FUT9: variants seen among roughly 807,000 people sequenced by gnomAD.
FUT9 encodes fucosyltransferase 9, also known as 4-galactosyl-N-acetylglucosaminide 3-alpha-L-fucosyltransferase 9.
A neutral mutation model predicts 29.7 loss-of-function variants in FUT9; 15 were observed. The ratio of observed to expected loss-of-function variants is 0.51; its 90% CI spans 0.34 to 0.78. The LOEUF (loss-of-function observed/expected upper bound fraction) is 0.78, where lower values mean the gene tolerates loss of function less well. FUT9 is among the 30% of genes least tolerant of loss of function. FUT9 has a pLI of 0.01. For synonymous variants in FUT9, 169 were observed against 153.7 expected (o/e 1.10, Z -0.74); for missense variants, 319 against 425.4 (o/e 0.75, Z 2.20).
intron 2 of FUT9, among the ~76,000 whole-genome samples, chr6:96,198,701 C>G (rs1054665284): frequency 1.3e-5 from 2 of 152,186 alleles, no homozygotes; most frequent in African/African-American, 4.8e-5. Flanking sequence ...ACACTGACTT[C>G]CACAATGGTT....
chr6:96,032,602 A>G (rs564775201), intron 1 of FUT9, among the ~76,000 whole-genome samples: 80 of 151,712 alleles, frequency 5.3e-4, no homozygotes, highest in African/African-American at 1.9e-3. Flanking sequence ...TTGAAAATAT[A>G]ACTTTGAAAA....
chr6:96,099,744 T>G (rs1771555814), intron 1 of FUT9, among the ~76,000 whole-genome samples: 1 of 152,112 alleles, frequency 6.6e-6, no homozygotes, highest in Admixed American at 6.6e-5. Context: ...ATCAATTTTT[T>G]TCCAAAGCCA....
rs570252615 is a variant in FUT9 at position 96,211,204 on chromosome 6, T to C, written c.*6969T>C. 1 of 166,812 alleles carries C rather than the reference T, an allele frequency of 6.0e-6. No homozygotes were observed. Among genetic ancestry groups the C allele is most frequent in the Non-Finnish European group, 1.5e-5 (1 of 67,980 alleles). 10.3% of individuals were successfully genotyped at this position (166,812 alleles called of 1,614,324 possible). Reference sequence around the variant, plus strand: ...CGGAAGGGGTGTGAGGAGCTGGCAGTGGTGGTGAATAGGCATTGTTTGCAT... The same window carrying C: ...CGGAAGGGGTGTGAGGAGCTGGCAGCGGTGGTGAATAGGCATTGTTTGCAT... On this transcript the variant is annotated 3_prime_UTR_variant, in exon 3 of 3. Coordinates refer to ENST00000302103, the MANE Select transcript of FUT9 (RefSeq NM_006581.4).
chr6:96,029,207 C>A (rs1770219153), intron 1 of FUT9, among the ~76,000 whole-genome samples: 1 of 151,448 alleles, frequency 6.6e-6, no homozygotes, highest in East Asian at 1.9e-4. Context: ...AATTATCTAA[C>A]AAGAAATTCT....
At chr6:96,137,434 C>T (rs1298624414) in intron 2 of FUT9, among the ~76,000 whole-genome samples, 1 of 152,046 alleles carries the variant, frequency 6.6e-6, no homozygotes, top group African/African-American at 2.4e-5. Flanking sequence ...GTGGATACTT[C>T]ACCCTCAAGT....
At chr6:96,025,425 C>A (rs1770150879) in intron 1 of FUT9, among the ~76,000 whole-genome samples, 1 of 151,754 alleles carries the variant, frequency 6.6e-6, no homozygotes, top group African/African-American at 2.4e-5. Flanking sequence ...ATATAATTTG[C>A]AAACATCTTT....
At chr6:96,064,333 G>T (rs1357373564) in intron 1 of FUT9, among the ~76,000 whole-genome samples, 2 of 152,084 alleles carry the variant, frequency 1.3e-5, no homozygotes, top group African/African-American at 4.8e-5. Flanking sequence ...ACTGAATGAG[G>T]GGCATAGAGA....
intron 2 of FUT9, among the ~76,000 whole-genome samples, chr6:96,201,145 C>T (rs559462695): frequency 6.6e-6 from 1 of 151,832 alleles, no homozygotes; most frequent in Admixed American, 6.6e-5. Flanking sequence ...ACCATTTAGA[C>T]CTAGTATTTG....
intron 1 of FUT9, 53 bp downstream of exon 1, chr6:96,016,265 G>A (rs1427736426): frequency 6.6e-6 from 1 of 152,636 alleles, no homozygotes; most frequent in African/African-American, 2.4e-5. Context: ...GGCGCGGAGA[G>A]AACATCTTTT....
At chr6:96,043,161 C>T (rs559351911) in intron 1 of FUT9, among the ~76,000 whole-genome samples, 2 of 152,264 alleles carry the variant, frequency 1.3e-5, no homozygotes, top group South Asian at 4.1e-4. Context: ...ATGCCATTCT[C>T]CTGCCTCAGC....
chr6:96,077,337 T>G (rs1176254434), intron 1 of FUT9, among the ~76,000 whole-genome samples: 1 of 152,200 alleles, frequency 6.6e-6, no homozygotes, highest in Non-Finnish European at 1.5e-5. Flanking sequence ...ATTTTTGATC[T>G]AAATTCTCTA....
At chr6:96,162,790 G>A (rs529233795) in intron 2 of FUT9, among the ~76,000 whole-genome samples, 20 of 152,208 alleles carry the variant, frequency 1.3e-4, no homozygotes, top group African/African-American at 3.9e-4. Flanking sequence ...CATTCTTTGC[G>A]TTGTAATTCA....
At chr6:96,055,826 T>C (rs918615915) in intron 1 of FUT9, among the ~76,000 whole-genome samples, 10 of 151,862 alleles carry the variant, frequency 6.6e-5, no homozygotes, top group Admixed American at 3.9e-4. Context: ...ATTAAAGGTG[T>C]GAGCCACTGA....
intron 1 of FUT9, among the ~76,000 whole-genome samples, chr6:96,018,681 G>C (rs989176366): frequency 6.6e-6 from 1 of 152,022 alleles, no homozygotes; most frequent in Non-Finnish European, 1.5e-5. Flanking sequence ...ACATTATAAA[G>C]AGATATTTAA....
At chr6:96,193,824 C>T (rs532805981) in intron 2 of FUT9, among the ~76,000 whole-genome samples, 74 of 152,240 alleles carry the variant, frequency 4.9e-4, no homozygotes, top group African/African-American at 1.7e-3. Flanking sequence ...CAATGATAGA[C>T]TGGATTAAGA....
chr6:96,025,498 G>A (rs1770152375), intron 1 of FUT9, among the ~76,000 whole-genome samples: 1 of 151,594 alleles, frequency 6.6e-6, no homozygotes, highest in Admixed American at 6.6e-5. Flanking sequence ...AACATTCTTG[G>A]ATGAGTGTGT....
At chr6:96,144,323 G>C (rs1562141284) in intron 2 of FUT9, among the ~76,000 whole-genome samples, 1 of 152,126 alleles carries the variant, frequency 6.6e-6, no homozygotes, top group Non-Finnish European at 1.5e-5. Flanking sequence ...GAAATTGCTT[G>C]ATCAGTGCTA....
chr6:96,099,835 T>G (rs1771557137), intron 1 of FUT9, among the ~76,000 whole-genome samples: 1 of 152,128 alleles, frequency 6.6e-6, no homozygotes, highest in East Asian at 1.9e-4. Flanking sequence ...TACCACAGAC[T>G]GAAAAACTCA....
chr6:96,117,888 G>A (rs1056791148), intron 2 of FUT9, among the ~76,000 whole-genome samples: 1 of 152,022 alleles, frequency 6.6e-6, no homozygotes, highest in African/African-American at 2.4e-5. Flanking sequence ...TACCTGAAAT[G>A]TCTGTTTCCT....
Sources: gnomAD v4.1 joint callset for allele counts (sites outside exome capture counted in the v4.1 genomes callset) on GRCh38, gnomAD v4.1.1 for gene constraint, MANE v1.5 for transcripts, NCBI Gene and HGNC (gene_info 2026-07-23, HGNC 2026-07-21) for gene names.